The following NUF2 variants were observed in gnomAD, a reference collection of about 807,000 sequenced individuals.
NUF2 encodes the protein NUF2 component of NDC80 kinetochore complex.
NUF2 carries 34 observed loss-of-function variants against 61.8 expected under a neutral mutation model. The observed-to-expected ratio is 0.55, with a 90% confidence interval of 0.42 to 0.73. The LOEUF (loss-of-function observed/expected upper bound fraction) is 0.73. Among genes scored for constraint, NUF2 ranks in the 30% least tolerant of loss-of-function variants. The pLI is 0.00. For missense variants in NUF2, 445 were observed against 539.1 expected, an observed-to-expected ratio of 0.83 and a Z score of 1.73; for synonymous variants, 172 against 181.6, an observed-to-expected ratio of 0.95 and a Z score of 0.42.
In NUF2 at chr1:163,333,441, T is replaced by G. The variant is rs559786553; in HGVS notation, c.338-3310T>G. Among the ~76,000 whole-genome samples the G allele has an allele frequency of 2.3e-4, 35 of 152,178 alleles. No homozygotes were observed. In the South Asian group the frequency reaches 4.6e-3, roughly 20 times the overall value. ...GATATGATTGGGCTTAAATCCACCT[T>G]TATACTATTTGTTTTCTCTTTGTCC... On this transcript the variant is annotated intron_variant, in intron 5 of 13. Coordinates refer to ENST00000271452, the MANE Select transcript of NUF2 (RefSeq NM_145697.3).
chr1:163,355,445 G>A lies in NUF2; in HGVS notation c.1371G>A (p.Arg457=), dbSNP rs1651455961. The A allele has an allele frequency of 6.3e-7, 1 of 1,596,378 alleles. No individual in the cohort carries two copies. The highest frequency in any genetic ancestry group is 8.5e-7 in the Non-Finnish European group (1 of 1,171,564). Residue 457 remains arginine, a synonymous_variant, in exon 14 of 14, where the codon AGG becomes AGA. Transcript: ENST00000271452. ...ATGAGAAGACAGCTGAACTGAAGAGGAAGATGTTCAAAATGTCAACCTGAT... is the reference window on the plus strand; with the variant it reads ...ATGAGAAGACAGCTGAACTGAAGAGAAAGATGTTCAAAATGTCAACCTGAT... ...KIDEKTAELK[R]KMFKMST
Position 163,355,582 on chromosome 1 carries a change from A to G in NUF2, c.*113A>G. On this transcript the variant is annotated 3_prime_UTR_variant, in exon 14 of 14. Transcript: ENST00000271452. The stretch of plus-strand genomic sequence containing the variant: ...AGAAGTACCAAATAATGTTGGCTTC[A>G]TCAGTTTTTATACACTCTCATAAGT... 1 of 788,320 alleles carries G rather than the reference A, an allele frequency of 1.3e-6. No homozygotes were observed. Among genetic ancestry groups the G allele is most frequent in the Non-Finnish European group, 2.0e-6 (1 of 511,922 alleles). 48.8% of individuals were successfully genotyped at this position (788,320 alleles called of 1,614,324 possible).
At chr1:163,326,842 A>T (rs1650433189) in intron 2 of NUF2, among the ~76,000 whole-genome samples, 1 of 152,154 alleles carries the variant, frequency 6.6e-6, no homozygotes. Flanking sequence ...CTTCAAACTG[A>T]GTAAATTCAG....
chr1:163,323,557 C>T (rs926115476), intron 1 of NUF2, among the ~76,000 whole-genome samples: 2 of 151,960 alleles, frequency 1.3e-5, no homozygotes, highest in Non-Finnish European at 2.9e-5. Context: ...TATCTCCACA[C>T]ACACACAAAT....
At position 163,336,857 on chromosome 1, in the gene NUF2, T is replaced by C. The variant is rs1345125789; in HGVS notation, c.435+9T>C. 1 of 1,551,256 alleles carries C rather than the reference T, an allele frequency of 6.4e-7. No homozygotes were observed. Among genetic ancestry groups the C allele is most frequent in the African/African-American group, 1.4e-5 (1 of 73,722 alleles). ...AATTTCTTTGGCAATATGTAAGATT[T>C]AAATATGTTTTGGGGTTACATGCCA... On this transcript the variant is annotated intron_variant, in intron 6 of 13. Transcript: ENST00000271452.
intron 1 of NUF2, among the ~76,000 whole-genome samples, chr1:163,325,018 T>C (rs1338243869): frequency 1.3e-5 from 2 of 149,432 alleles, no homozygotes; most frequent in Non-Finnish European, 3.0e-5. Flanking sequence ...CACCTCAGCC[T>C]CCCAAGTGGC....
intron 12 of NUF2, among the ~76,000 whole-genome samples, chr1:163,348,240 C>T (rs1167135327): frequency 1.3e-5 from 2 of 152,120 alleles, no homozygotes; most frequent in Non-Finnish European, 2.9e-5. Context: ...AGTGGTCTAG[C>T]TTGCATCAGA....
At chr1:163,325,736 C>T (rs745489094) in intron 1 of NUF2, among the ~76,000 whole-genome samples, 2 of 152,124 alleles carry the variant, frequency 1.3e-5, no homozygotes, top group African/African-American at 2.4e-5. Context: ...AAGAGAAGCA[C>T]GTGGTTTCTC....
intron 7 of NUF2, among the ~76,000 whole-genome samples, chr1:163,338,482 G>A (rs1650835774): frequency 6.6e-6 from 1 of 151,852 alleles, no homozygotes; most frequent in East Asian, 1.9e-4. Flanking sequence ...TCATTTATTT[G>A]TTTTGTTTTT....
At chr1:163,330,199 A>G (rs1459173857) in intron 5 of NUF2, among the ~76,000 whole-genome samples, 1 of 152,168 alleles carries the variant, frequency 6.6e-6, no homozygotes, top group East Asian at 1.9e-4. Flanking sequence ...TTGGGATGAT[A>G]ATGATGTGTC....
intron 5 of NUF2, among the ~76,000 whole-genome samples, chr1:163,334,260 A>G (rs1378074160): frequency 2.0e-5 from 3 of 152,198 alleles, no homozygotes; most frequent in Non-Finnish European, 2.9e-5. Context: ...TATTGTGAAT[A>G]GTGCTACAAT....
chr1:163,350,230 A>T (rs1651267976), intron 13 of NUF2, among the ~76,000 whole-genome samples: 1 of 151,610 alleles, frequency 6.6e-6, no homozygotes, highest in African/African-American at 2.4e-5. Flanking sequence ...TGAACCCGGG[A>T]GGCAGAGCTT....
intron 12 of NUF2, among the ~76,000 whole-genome samples, chr1:163,348,297 C>T (rs1243808786): frequency 2.0e-5 from 3 of 152,136 alleles, no homozygotes; most frequent in Non-Finnish European, 4.4e-5. Flanking sequence ...TGTAGAGTTA[C>T]AGCATTTGTG....
chr1:163,336,907 T>C (rs568246569), intron 6 of NUF2, 59 bp downstream of exon 6: 3 of 1,070,242 alleles, frequency 2.8e-6, no homozygotes, highest in East Asian at 4.8e-5. Context: ...TTTATGAACT[T>C]ATAATCTGTT....
chr1:163,325,062 A>G (rs1490837050), intron 1 of NUF2, among the ~76,000 whole-genome samples: 2 of 151,866 alleles, frequency 1.3e-5, no homozygotes, highest in Non-Finnish European at 1.5e-5. Flanking sequence ...ATGCCTGGCT[A>G]ATTTTTATGT....
chr1:163,346,947 A>T (rs1417549920), intron 11 of NUF2, among the ~76,000 whole-genome samples: 2 of 152,274 alleles, frequency 1.3e-5, no homozygotes, highest in Admixed American at 6.5e-5. Context: ...AAAACTGATG[A>T]ATTTTTTATT....
At chr1:163,334,379 C>A (rs1402701779) in intron 5 of NUF2, among the ~76,000 whole-genome samples, 3 of 152,108 alleles carry the variant, frequency 2.0e-5, no homozygotes, top group African/African-American at 7.2e-5. Context: ...GTAAGTACAC[C>A]AAATTTCCAT....
intron 13 of NUF2, among the ~76,000 whole-genome samples, chr1:163,352,265 C>A (rs547207281): frequency 6.6e-6 from 1 of 152,162 alleles, no homozygotes; most frequent in Non-Finnish European, 1.5e-5. Context: ...TATTATTATA[C>A]GTCTGTCACA....
intron 2 of NUF2, 45 bp from the exon 3 acceptor site, chr1:163,327,442 CT>C (rs1650461274): frequency 1.0e-6 from 1 of 999,152 alleles, no homozygotes; most frequent in Non-Finnish European, 1.6e-6. Flanking sequence ...AGTGACATAG[CT>C]TTAGAGTTAT....
Sources: gnomAD v4.1 joint callset for allele counts (sites outside exome capture counted in the v4.1 genomes callset) on GRCh38, gnomAD v4.1.1 for gene constraint, MANE v1.5 for transcripts, NCBI Gene and HGNC (gene_info 2026-07-23, HGNC 2026-07-21) for gene names.